Variants in NOC4L observed in about 807,000 individuals in gnomAD.
The protein encoded by NOC4L is nucleolar complex protein 4 homolog.
A neutral mutation model predicts 62.8 loss-of-function variants in NOC4L; 40 were observed. The ratio of observed to expected loss-of-function variants is 0.64; its 90% CI spans 0.49 to 0.83. NOC4L has a LOEUF of 0.83. Among genes scored for constraint, NOC4L ranks in the 40% least tolerant of loss-of-function variants. The probability of loss-of-function intolerance (pLI) is 0.00; values close to 1 mark genes in which losing one functional copy is unlikely to be tolerated. For missense variants in NOC4L, 927 were observed against 701.9 expected (o/e 1.32, Z -3.62); for synonymous variants, 433 against 299.8 (o/e 1.44, Z -4.59).
intron 3 of NOC4L, chr12:132,146,459 T>TAAGC (rs1288406485): frequency 2.3e-6 from 1 of 428,290 alleles, no homozygotes; most frequent in Non-Finnish European, 4.8e-6. Flanking sequence ...TGATGTTTCT[T>TAAGC]TTGCTTGAAT....
chr12:132,151,161 C>T lies in NOC4L; in HGVS notation c.963-97C>T, dbSNP rs992009342. On this transcript the variant is annotated intron_variant, in intron 10 of 14. Transcript: ENST00000330579. ...CTCACAGGCCATGGTGTTGGAGTCC[C>T]TGGGCGGGAGGAAGGGGCGCCGAGT... 1.2e-5 allele frequency: 17 copies of T among 1,428,470 alleles called. No homozygotes were observed. The Admixed American group carries it at 2.2e-4, about 19-fold the overall frequency. The allele number at this position is 1,428,470 out of a possible 1,614,324, so 88.5% of individuals were successfully genotyped here. A position where few individuals can be genotyped will look rare whatever the true frequency, so the allele number is the denominator to read the frequency against.
At chr12:132,148,411 T>G (rs991592156) in intron 7 of NOC4L, among the ~76,000 whole-genome samples, 198 bp from the exon 8 acceptor site, 1 of 152,208 alleles carries the variant, frequency 6.6e-6, no homozygotes, top group South Asian at 2.1e-4. Context: ...AAAGCTGCTT[T>G]CTTGGCTGTT....
At position 132,151,101 on chromosome 12, in the gene NOC4L, C is replaced by T. The variant is rs539351036; in HGVS notation, c.962+60C>T. ...GTCTGCCCAGCCCTGCTCCTCTGTC[C>T]CCTTCCCACCCTGCCCCACGGGGTC... On this transcript the variant is annotated intron_variant, in intron 10 of 14. Transcript: ENST00000330579. 252 of 1,505,342 alleles carry T rather than the reference C, an allele frequency of 1.7e-4. 1 individual carries two copies. The highest frequency in any genetic ancestry group is 3.5e-4 in the Middle Eastern group (2 of 5,778). 93.2% of individuals were successfully genotyped at this position (1,505,342 alleles called of 1,614,324 possible).
chr12:132,148,212 C>A (rs1205155828), intron 7 of NOC4L, 106 bp downstream of exon 7: 9 of 1,214,948 alleles, frequency 7.4e-6, no homozygotes, highest in Non-Finnish European at 1.1e-5. Context: ...GAGGAAACTC[C>A]CAGGGTACAG....
intron 8 of NOC4L, 52 bp from the exon 9 acceptor site, chr12:132,148,732 C>CCCCCCCGGGGGGGGGGGGGGGGG: frequency 7.7e-7 from 1 of 1,305,542 alleles, no homozygotes; most frequent in South Asian, 1.5e-5. Flanking sequence ...CACCCCGACC[C>CCCCCCCGGGGGGGGGGGGGGGGG]GCCGGCCCCC....
intron 11 of NOC4L, 38 bp from the exon 12 acceptor site, chr12:132,151,446 C>A (rs764584655): frequency 2.4e-5 from 39 of 1,599,488 alleles, no homozygotes; most frequent in Non-Finnish European, 3.2e-5. Context: ...TGGGGGCTAG[C>A]AGTCCGGGCC....
chr12:132,149,128 G>T (rs1330643781), intron 9 of NOC4L, among the ~76,000 whole-genome samples: 1 of 52,012 alleles, frequency 1.9e-5, no homozygotes, highest in African/African-American at 7.5e-5. Flanking sequence ...GAGTGCCGCC[G>T]CCTCACTCCT....
rs765951047 is a variant in NOC4L, at chr12:132,151,265, C to T, written c.970C>T (p.Pro324Ser). 1.2e-6 allele frequency: 2 copies of T among 1,611,442 alleles called. No homozygotes were observed. The highest frequency in any genetic ancestry group is 1.3e-5 in the African/African-American group (1 of 74,898). ...CTTCCCCCCGGCCCGCAGGGAGTAC[C>T]CTGACTTCTACCGGAAGCTCTACGG... The part of the protein sequence containing the change: ...ILIHKHNLEY[P>S]DFYRKLYGLL... The change falls in exon 11 of 15, where the codon CCT becomes TCT. Residue 324 changes from proline to serine, a missense_variant. Physicochemically the swap from Pro to Ser is moderately conservative, Grantham distance 74. Coordinates refer to ENST00000330579, the MANE Select transcript of NOC4L (RefSeq NM_024078.3).
Position 132,151,748 on chromosome 12 carries a change from C to A in NOC4L, c.1245C>A (p.Ala415=), listed in dbSNP as rs543188150. The part of the protein sequence containing the change: ...VHRPHGPELD[A]DPYDPGEEDP... ...ACGTCTCATTCCTAGAGTTGGACGC[C>A]GACCCCTACGACCCTGGAGAGGAGG... is the stretch of plus-strand genomic sequence containing the variant. Residue 415 remains alanine, a synonymous_variant, in exon 13 of 15, where the codon GCC becomes GCA. Coordinates refer to ENST00000330579, the MANE Select transcript of NOC4L (RefSeq NM_024078.3). The A allele has an allele frequency of 4.1e-5, 66 of 1,612,348 alleles. No homozygotes were observed. Among genetic ancestry groups the A allele is most frequent in the Non-Finnish European group, 5.3e-5 (62 of 1,179,804 alleles).
At chr12:132,147,058 C>T (rs960754423) in intron 3 of NOC4L, among the ~76,000 whole-genome samples, 1 of 152,212 alleles carries the variant, frequency 6.6e-6, no homozygotes, top group African/African-American at 2.4e-5. Flanking sequence ...CAGACTCTGT[C>T]GTGAGCACTG....
rs772628767 is a variant in NOC4L at position 132,151,545 on chromosome 12, G to T, written c.1135G>T (p.Ala379Ser). The change falls in exon 12 of 15, where the codon GCT becomes TCT. Residue 379 changes from alanine (A) to serine (S), a missense_variant. Coordinates refer to ENST00000330579, the MANE Select transcript of NOC4L (RefSeq NM_024078.3). Reference sequence around the variant, plus strand: ...GCGGCTGGCCCGCCTGGCCCTGACGGCTCCCCCTGAGGCCCTGCTCATGGT... The same window carrying T: ...GCGGCTGGCCCGCCTGGCCCTGACGTCTCCCCCTGAGGCCCTGCTCATGGT... ...AKRLARLALT[A>S]PPEALLMVLP... is the part of the protein sequence containing the mutation. The T allele has an allele frequency of 6.2e-7, 1 of 1,608,864 alleles. No homozygotes were observed. The highest frequency in any genetic ancestry group is 8.5e-7 in the Non-Finnish European group (1 of 1,179,054).
Position 132,145,593 on chromosome 12 carries a change from G to C in NOC4L, c.273G>C (p.Trp91Cys), listed in dbSNP as rs1897684097. The change falls in exon 3 of 15, where the codon TGG becomes TGC. Residue 91 changes from tryptophan to cysteine, a missense_variant. Coordinates refer to ENST00000330579, the MANE Select transcript of NOC4L (RefSeq NM_024078.3). ...GAGCCACACGGAAGTACAAGGTGTG[G>C]ATGAGACACCGCTATCACAGCTGCT... ...SQGATRKYKV[W>C]MRHRYHSCCN... is the part of the protein sequence containing the mutation. 1 of 1,613,384 alleles carries C rather than the reference G, an allele frequency of 6.2e-7. No homozygotes were observed. The highest frequency in any genetic ancestry group is 8.5e-7 in the Non-Finnish European group (1 of 1,179,916).
Position 132,151,551 on chromosome 12 carries a change from CCT to C in NOC4L, c.1142_1143del (p.Pro381ArgfsTer12). On this transcript the variant is annotated frameshift_variant, in exon 12 of 15. Coordinates refer to ENST00000330579, the MANE Select transcript of NOC4L (RefSeq NM_024078.3). LOFTEE classifies it high-confidence loss of function. ...RLARLALTAP[P>X]EALLMVLPFI... Reference sequence around the variant, plus strand: ...GGCCCGCCTGGCCCTGACGGCTCCCCCTGAGGCCCTGCTCATGGTCCTGCCTT... The same window carrying C: ...GGCCCGCCTGGCCCTGACGGCTCCCCGAGGCCCTGCTCATGGTCCTGCCTT... The C allele has an allele frequency of 6.2e-7, 1 of 1,609,552 alleles. No homozygotes were observed. The highest frequency in any genetic ancestry group is 8.5e-7 in the Non-Finnish European group (1 of 1,179,162).
At position 132,147,349 on chromosome 12, in the gene NOC4L, G is replaced by C; in HGVS notation, c.414G>C (p.Lys138Asn). Residue 138 changes from lysine (K) to asparagine (N), a missense_variant, in exon 4 of 15, where the codon AAG becomes AAC. Coordinates refer to ENST00000330579, the MANE Select transcript of NOC4L (RefSeq NM_024078.3). ...LEGAHPLEKS[K>N]WEGNYLFPRE... ...GAGCGCACCCCCTGGAGAAGTCCAA[G>C]TGGGAAGGCAACTACCTGTTCCCCC... 6.3e-7 allele frequency: 1 copy of C among 1,598,106 alleles called. No homozygotes were observed. Among genetic ancestry groups the C allele is most frequent in the Admixed American group, 1.7e-5 (1 of 58,484 alleles).
At chr12:132,149,124 C>T (rs78097245) in intron 9 of NOC4L, among the ~76,000 whole-genome samples, 1 of 36,224 alleles carries the variant, frequency 2.8e-5, no homozygotes, top group South Asian at 1.9e-3. Flanking sequence ...CGGTGAGTGC[C>T]GCCGCCTCAC....
In NOC4L at chr12:132,148,675, G is replaced by C; in HGVS notation, c.789+16G>C. On this transcript the variant is annotated intron_variant, in intron 8 of 14. Transcript: ENST00000330579. ...CAAGCACAAGGTAGGGGCCAGGCCG[G>C]GGAGGGGGCGGGGGCGGCATCCGGG... 1 of 1,542,690 alleles carries C rather than the reference G, an allele frequency of 6.5e-7. No homozygotes were observed. The highest frequency in any genetic ancestry group is 1.2e-5 in the South Asian group (1 of 83,628).
chr12:132,150,753 C>T (rs1357445014), intron 9 of NOC4L: 1 of 588,880 alleles, frequency 1.7e-6, no homozygotes, highest in African/African-American at 1.9e-5. Flanking sequence ...GTGCCGCCGC[C>T]TCGCTCACAC....
In NOC4L at chr12:132,147,710, C is replaced by T. The variant is rs147903181; in HGVS notation, c.531C>T (p.Tyr177=). The change falls in exon 5 of 15, where the codon TAC becomes TAT. Residue 177 remains tyrosine (Y), a synonymous_variant. Coordinates refer to ENST00000330579, the MANE Select transcript of NOC4L (RefSeq NM_024078.3). ...CCCAGTTCCGGGAGTACCTGGACTACGACGACACCCGCTACCACACCATGC... is the reference window on the plus strand; with the variant it reads ...CCCAGTTCCGGGAGTACCTGGACTATGACGACACCCGCTACCACACCATGC... The part of the protein sequence containing the change: ...LLSQFREYLD[Y]DDTRYHTMQA... 49 of 1,612,836 alleles carry T rather than the reference C, an allele frequency of 3.0e-5. No individual in the cohort carries two copies. Among genetic ancestry groups the T allele is most frequent in the African/African-American group, 2.0e-4 (15 of 75,014 alleles).
At chr12:132,151,392 T>G in intron 11 of NOC4L, 24 bp downstream of exon 11, 1 of 1,605,348 alleles carries the variant, frequency 6.2e-7, no homozygotes, top group South Asian at 1.1e-5. Context: ...CACCTGGCTC[T>G]GCCCTGCTCT....
Sources: allele counts gnomAD v4.1 joint callset (sites outside exome capture counted in the v4.1 genomes callset), GRCh38; gene constraint gnomAD v4.1.1; transcripts MANE v1.5; gene names NCBI Gene and HGNC (gene_info 2026-07-23, HGNC 2026-07-21).